Variants in THSD4 observed in about 807,000 individuals in gnomAD.
THSD4 encodes thrombospondin type 1 domain containing 4.
In THSD4, 69 loss-of-function variants were observed where a neutral mutation model predicts 119.0. The observed-to-expected ratio is 0.58, with a 90% CI of 0.48 to 0.71. THSD4 has a LOEUF of 0.71. THSD4 is among the 30% of genes least tolerant of loss of function. The pLI, the probability that THSD4 is intolerant of heterozygous loss-of-function variation, is 0.00. For missense variants in THSD4, 1,393 were observed against 1,391.1 expected (o/e 1.00, Z -0.02); for synonymous variants, 524 against 540.4 (o/e 0.97, Z 0.42).
chr15:71,374,228 A>G (rs540024304), intron 6 of THSD4, among the ~76,000 whole-genome samples: 2 of 152,196 alleles, frequency 1.3e-5, no homozygotes, highest in Non-Finnish European at 2.9e-5. Flanking sequence ...AGGGAAGTGT[A>G]CCTTTCTTTG....
intron 7 of THSD4, among the ~76,000 whole-genome samples, chr15:71,599,747 G>C (rs1340024619): frequency 2.0e-5 from 3 of 152,212 alleles, no homozygotes; most frequent in Non-Finnish European, 4.4e-5. Flanking sequence ...GACTCTGGCA[G>C]TGGGCCAGGA....
In THSD4 at chr15:71,416,320, C is replaced by A. The variant is rs1035055463; in HGVS notation, c.1152+4497C>A. On this transcript the variant is annotated intron_variant, in intron 7 of 17. Transcript: ENST00000261862. ...GTGTTGCAGATATCTCTTCGATACACTGATTTCTTTTCTTTGGGGTATATG... is the reference window on the plus strand; with the variant it reads ...GTGTTGCAGATATCTCTTCGATACAATGATTTCTTTTCTTTGGGGTATATG... Among the ~76,000 whole-genome samples the A allele has an allele frequency of 3.5e-3, 139 of 39,624 alleles. 32 individuals carry two copies. The highest frequency in any genetic ancestry group is 9.8e-3 in the African/African-American group (134 of 13,622). 26.0% of individuals were successfully genotyped at this position (39,624 alleles called of 152,430 possible).
chr15:71,718,961 C>T (rs2052663270), intron 8 of THSD4, among the ~76,000 whole-genome samples: 1 of 152,166 alleles, frequency 6.6e-6, no homozygotes, highest in African/African-American at 2.4e-5. Flanking sequence ...ACCCCCAATA[C>T]TTTTTTGACC....
intron 6 of THSD4, among the ~76,000 whole-genome samples, chr15:71,360,215 A>G (rs1333854895): frequency 1.3e-5 from 2 of 152,120 alleles, no homozygotes; most frequent in Admixed American, 1.3e-4. Flanking sequence ...TCCTCACAAC[A>G]TGGTGGTCTT....
chr15:71,199,640 T>C (rs878872553), intron 3 of THSD4, among the ~76,000 whole-genome samples: 29 of 134,242 alleles, frequency 2.2e-4, no homozygotes, highest in African/African-American at 7.4e-4. Flanking sequence ...GTGTGTGGTG[T>C]GTGTGTGGTG....
chr15:71,325,488 G>A (rs1182826509), intron 6 of THSD4, among the ~76,000 whole-genome samples: 1 of 152,164 alleles, frequency 6.6e-6, no homozygotes, highest in African/African-American at 2.4e-5. Context: ...GGCAAGTGTG[G>A]GGATGAAAAG....
At chr15:71,136,419 G>A (rs940353042) in intron 1 of THSD4, among the ~76,000 whole-genome samples, 1 of 152,166 alleles carries the variant, frequency 6.6e-6, no homozygotes, top group Non-Finnish European at 1.5e-5. Flanking sequence ...GACAGGACAA[G>A]GCTGCAGTGG....
chr15:71,264,460 T>C (rs920271213), intron 6 of THSD4, among the ~76,000 whole-genome samples: 2 of 152,170 alleles, frequency 1.3e-5, no homozygotes, highest in Admixed American at 1.3e-4. Flanking sequence ...GATGAGCATA[T>C]CATTGAGGAC....
intron 7 of THSD4, among the ~76,000 whole-genome samples, chr15:71,564,856 A>T (rs1174370738): frequency 1.6e-5 from 2 of 127,388 alleles, no homozygotes; most frequent in East Asian, 2.1e-4. Context: ...CATATAATAC[A>T]ATATATTGTA....
intron 7 of THSD4, among the ~76,000 whole-genome samples, chr15:71,430,818 A>G (rs187445793): frequency 2.8e-3 from 423 of 150,652 alleles, no homozygotes; most frequent in African/African-American, 9.9e-3. Flanking sequence ...CGGGGCAGCC[A>G]TAAGAAATGT....
In THSD4 at chr15:71,777,610, T is replaced by G. The variant is rs1270084467; in HGVS notation, c.*236T>G. 4 of 555,230 alleles carry G rather than the reference T, an allele frequency of 7.2e-6. No individual in the cohort carries two copies. Among genetic ancestry groups the G allele is most frequent in the Admixed American group, 3.1e-5 (1 of 32,266 alleles). The allele number at this position is 555,230 out of a possible 1,614,324, so 34.4% of individuals were successfully genotyped here. On this transcript the variant is annotated 3_prime_UTR_variant, in exon 18 of 18. Coordinates refer to ENST00000261862, the MANE Select transcript of THSD4 (RefSeq NM_024817.3). ...TCACCATGTACTGATGATCCCCTCC[T>G]TGGACCTGGCATCTGCTAATGGTGC... is the stretch of plus-strand genomic sequence containing the variant.
intron 4 of THSD4, among the ~76,000 whole-genome samples, chr15:71,221,369 C>T (rs2043974607): frequency 6.6e-6 from 1 of 152,178 alleles, no homozygotes; most frequent in Non-Finnish European, 1.5e-5. Context: ...CCATCACCAC[C>T]ATCCATTCAC....
intron 7 of THSD4, among the ~76,000 whole-genome samples, chr15:71,654,577 G>A (rs1445249464): frequency 6.6e-6 from 1 of 152,286 alleles, no homozygotes; most frequent in East Asian, 1.9e-4. Flanking sequence ...TTCCAGGAAG[G>A]TGGTATTGAT....
At chr15:71,279,399 C>T (rs1432029636) in intron 6 of THSD4, among the ~76,000 whole-genome samples, 4 of 152,114 alleles carry the variant, frequency 2.6e-5, no homozygotes, top group Non-Finnish European at 4.4e-5. Flanking sequence ...TTGTTTAAGC[C>T]GGCTTTGGAG....
intron 6 of THSD4, among the ~76,000 whole-genome samples, chr15:71,386,252 C>T (rs1382073066): frequency 6.6e-6 from 1 of 152,162 alleles, no homozygotes; most frequent in Non-Finnish European, 1.5e-5. Flanking sequence ...TAATGGTTTG[C>T]CAGCCAAATA....
chr15:71,287,277 C>G (rs1044831304), intron 6 of THSD4, among the ~76,000 whole-genome samples: 1 of 152,126 alleles, frequency 6.6e-6, no homozygotes, highest in African/African-American at 2.4e-5. Flanking sequence ...GGAGAAAGTT[C>G]ATTGTTTTTA....
At chr15:71,217,099 T>C (rs976140539) in intron 4 of THSD4, among the ~76,000 whole-genome samples, 3 of 152,192 alleles carry the variant, frequency 2.0e-5, no homozygotes, top group African/African-American at 7.2e-5. Context: ...GCCTGGCCCA[T>C]AGTCCCTTAT....
Position 71,646,320 on chromosome 15 carries a change from C to T in THSD4, c.1153-14210C>T, listed in dbSNP as rs549613190. On this transcript the variant is annotated intron_variant, in intron 7 of 17. Transcript: ENST00000261862. ...TATGGAACCTAAAGTCACCAGAGTC[C>T]ATAAGTTGTCAAAATGGAATCCTTG... Among the ~76,000 whole-genome samples, 5 of 152,294 alleles carry T rather than the reference C, an allele frequency of 3.3e-5. No individual in the cohort carries two copies. The South Asian group carries it at 6.2e-4, about 19-fold the overall frequency.
rs747799880 is a variant in THSD4, at chr15:71,362,607, A to G, written c.1016-49080A>G. On this transcript the variant is annotated intron_variant, in intron 6 of 17. Coordinates refer to ENST00000261862, the MANE Select transcript of THSD4 (RefSeq NM_024817.3). ...AAAGTGAGTTAAGGTAAGCACATAC[A>G]TCGATCATACTGCTTTTTAGTATTC... is the stretch of plus-strand genomic sequence containing the variant. Among the ~76,000 whole-genome samples, 3 of 152,218 alleles carry G rather than the reference A, an allele frequency of 2.0e-5. No homozygotes were observed. The East Asian group carries it at 5.8e-4, about 29-fold the overall frequency.
Sources: allele counts gnomAD v4.1 joint callset (sites outside exome capture counted in the v4.1 genomes callset), GRCh38; gene constraint gnomAD v4.1.1; transcripts MANE v1.5; gene names NCBI Gene and HGNC (gene_info 2026-07-23, HGNC 2026-07-21).